GABRR3: variants seen among roughly 807,000 people sequenced by gnomAD.
The protein encoded by GABRR3 is gamma-aminobutyric acid receptor subunit rho-3.
In GABRR3, 29 loss-of-function variants were observed where a neutral mutation model predicts 43.2. The ratio of observed to expected loss-of-function variants is 0.67; its 90% CI spans 0.50 to 0.92. GABRR3 has a LOEUF of 0.92. GABRR3 is among the 40% of genes least tolerant of loss of function. GABRR3 has a pLI of 0.00. For synonymous variants in GABRR3, 206 were observed against 195.9 expected (o/e 1.05, Z -0.43); for missense variants, 576 against 572.3 (o/e 1.01, Z -0.07).
rs1180562526 is a variant in GABRR3 at position 98,007,760 on chromosome 3, G to A, written c.754+4C>T. Reference sequence around the variant, plus strand: ...TGATGAATCACCCATGTAAAATGCTGTACCTGTGCTGCTATAGAAAGCTAA... The same window carrying A: ...TGATGAATCACCCATGTAAAATGCTATACCTGTGCTGCTATAGAAAGCTAA... On this transcript the variant is annotated splice_donor_region_variant and intron_variant, in intron 7 of 9. Transcript: ENST00000621172. 1 of 1,613,330 alleles carries A rather than the reference G, an allele frequency of 6.2e-7. No individual in the cohort carries two copies. Among genetic ancestry groups the A allele is most frequent in the Non-Finnish European group, 8.5e-7 (1 of 1,179,680 alleles).
chr3:97,992,044 C>G (rs6439540), intron 9 of GABRR3, among the ~76,000 whole-genome samples: 17,137 of 152,090 alleles, frequency 0.11, 1,035 homozygotes, highest in Middle Eastern at 0.16. Flanking sequence ...AGTACAATAT[C>G]TTATATAAGT....
chr3:98,011,346 A>T (rs561918375), intron 5 of GABRR3, among the ~76,000 whole-genome samples: 1 of 152,214 alleles, frequency 6.6e-6, no homozygotes, highest in African/African-American at 2.4e-5. Flanking sequence ...CTCTGAAATC[A>T]GTATCATGGA....
intron 3 of GABRR3, among the ~76,000 whole-genome samples, chr3:98,020,180 G>C (rs114384486): frequency 0.01 from 1,558 of 152,228 alleles, 22 homozygotes; most frequent in African/African-American, 0.036. Flanking sequence ...ACTTAGGCTA[G>C]AGTTTGAAAC....
intron 9 of GABRR3, among the ~76,000 whole-genome samples, chr3:97,989,297 G>A (rs2107224014): frequency 6.6e-6 from 1 of 151,200 alleles, no homozygotes. Flanking sequence ...TGTGGGGATG[G>A]TGTGGTGGTA....
intron 2 of GABRR3, among the ~76,000 whole-genome samples, chr3:98,030,933 G>C (rs533636624): frequency 1.3e-5 from 2 of 152,332 alleles, no homozygotes; most frequent in Non-Finnish European, 1.5e-5. Flanking sequence ...AGGTAAAGTA[G>C]TGGGAAAATC....
chr3:98,014,996 A>G (rs1488644894), intron 4 of GABRR3, among the ~76,000 whole-genome samples: 1 of 152,224 alleles, frequency 6.6e-6, no homozygotes, highest in Non-Finnish European at 1.5e-5. Flanking sequence ...ATTCTAAAGC[A>G]TATATAAAAA....
intron 4 of GABRR3, among the ~76,000 whole-genome samples, chr3:98,015,865 GTAT>G (rs1706866376): frequency 6.6e-6 from 1 of 152,146 alleles, no homozygotes; most frequent in African/African-American, 2.4e-5. Context: ...GAAGGGAGGT[GTAT>G]TAGTCCATTT....
At chr3:97,995,936 T>C (rs533333586) in intron 8 of GABRR3, among the ~76,000 whole-genome samples, 15 of 152,336 alleles carry the variant, frequency 9.8e-5, no homozygotes, top group African/African-American at 3.6e-4. Context: ...TAGGAAAGTG[T>C]TATGAGAAAA....
intron 2 of GABRR3, among the ~76,000 whole-genome samples, chr3:98,033,239 C>A (rs922825980): frequency 2.6e-5 from 4 of 152,196 alleles, no homozygotes; most frequent in Non-Finnish European, 5.9e-5. Flanking sequence ...GAATCCCATT[C>A]TGGCTTGTGA....
At chr3:98,025,414 T>A (rs1393907577) in intron 3 of GABRR3, 153 bp downstream of exon 3, 1 of 161,904 alleles carries the variant, frequency 6.2e-6, no homozygotes, top group Non-Finnish European at 1.3e-5. Context: ...AACTCATCAA[T>A]TGTTCTCATT....
At chr3:97,999,671 T>C (rs1023653555) in intron 8 of GABRR3, 2 of 152,050 alleles carry the variant, frequency 1.3e-5, no homozygotes, top group African/African-American at 2.4e-5. Context: ...AGCTAATGCA[T>C]TGTGTGTGTA....
chr3:97,993,807 C>A (rs551863608), intron 8 of GABRR3, among the ~76,000 whole-genome samples: 7 of 152,156 alleles, frequency 4.6e-5, no homozygotes, highest in African/African-American at 1.7e-4. Context: ...TGCCTTCCCC[C>A]TTCCCTTTCC....
chr3:98,024,308 G>T (rs936499160), intron 3 of GABRR3, among the ~76,000 whole-genome samples: 2 of 144,880 alleles, frequency 1.4e-5, no homozygotes, highest in Non-Finnish European at 3.0e-5. Context: ...GCAGTGAGCC[G>T]AGATCGCGCC....
At chr3:98,025,345 C>T (rs2107248942) in intron 3 of GABRR3, among the ~76,000 whole-genome samples, 1 of 152,298 alleles carries the variant, frequency 6.6e-6, no homozygotes, top group East Asian at 1.9e-4. Context: ...GGAACACATA[C>T]TATTTACTAC....
At chr3:98,007,372 G>T (rs1190545905) in intron 7 of GABRR3, among the ~76,000 whole-genome samples, 1 of 152,150 alleles carries the variant, frequency 6.6e-6, no homozygotes, top group African/African-American at 2.4e-5. Context: ...AGCAGGTGGT[G>T]AGGGGCAGAG....
rs370076552 is a variant in GABRR3, at chr3:97,991,754, G to C, written c.1104+1098C>G. Among the ~76,000 whole-genome samples the C allele has an allele frequency of 1.7e-4, 26 of 152,256 alleles. No homozygotes were observed. The East Asian group carries it at 2.1e-3, about 12-fold the overall frequency. On this transcript the variant is annotated intron_variant, in intron 9 of 9. Transcript: ENST00000621172. ...GGGGGCTGACAGGAAGGTTCGGTGTGAGAAGAGGATATAAAAACATCCTGA... is the reference window on the plus strand; with the variant it reads ...GGGGGCTGACAGGAAGGTTCGGTGTCAGAAGAGGATATAAAAACATCCTGA...
chr3:98,025,832 A>G, intron 2 of GABRR3, 153 bp from the exon 3 acceptor site: 1 of 170,984 alleles, frequency 5.8e-6, no homozygotes. Flanking sequence ...AGAGCTGTCA[A>G]CATTTGTTCT....
At chr3:98,000,135 T>C (rs1418509303) in intron 8 of GABRR3, 2 of 152,174 alleles carry the variant, frequency 1.3e-5, no homozygotes, top group Non-Finnish European at 2.9e-5. Flanking sequence ...GGGACACTTC[T>C]GATTTGCATG....
At chr3:97,987,061 G>T in intron 9 of GABRR3, 79 bp from the exon 10 acceptor site, 1 of 977,088 alleles carries the variant, frequency 1.0e-6, no homozygotes, top group African/African-American at 1.6e-5. Flanking sequence ...TGTTAATAAA[G>T]TTAAATATGA....
Sources: allele counts gnomAD v4.1 joint callset (sites outside exome capture counted in the v4.1 genomes callset), GRCh38; gene constraint gnomAD v4.1.1; transcripts MANE v1.5; gene names NCBI Gene and HGNC (gene_info 2026-07-23, HGNC 2026-07-21).